The following ATAD2 variants were observed in gnomAD, a reference collection of about 807,000 sequenced individuals.
ATAD2 encodes ATPase family AAA domain-containing protein 2.
Under a neutral mutation model 168.9 loss-of-function variants are expected in ATAD2, and 62 were observed. The observed-to-expected ratio is 0.37, with a 90% CI of 0.30 to 0.45. The LOEUF (loss-of-function observed/expected upper bound fraction) is 0.45. Among genes scored for constraint, ATAD2 ranks in the 20% least tolerant of loss-of-function variants. ATAD2 has a pLI of 1.00. For missense variants in ATAD2, 1,419 were observed against 1,667.8 expected, an observed-to-expected ratio of 0.85 and a Z score of 2.60; for synonymous variants, 613 against 571.6, an observed-to-expected ratio of 1.07 and a Z score of -1.03.
intron 9 of ATAD2, among the ~76,000 whole-genome samples, chr8:123,360,599 T>A (rs1828784487): frequency 6.6e-6 from 1 of 152,148 alleles, no homozygotes; most frequent in African/African-American, 2.4e-5. Flanking sequence ...GAAATAGTTA[T>A]GGCCAGGTGT....
intron 2 of ATAD2, among the ~76,000 whole-genome samples, chr8:123,378,701 C>CAAAAAAAAAAAAAAAA (rs71808201): frequency 9.6e-5 from 7 of 73,040 alleles, no homozygotes; most frequent in African/African-American, 4.1e-4. Flanking sequence ...GACTGTGTCT[C>CAAAAAAAAAAAAAAAA]AAAAAAAAAA....
chr8:123,336,360 C>G lies in ATAD2; in HGVS notation c.3211+13G>C. 6.4e-7 allele frequency: 1 copy of G among 1,565,612 alleles called. No homozygotes were observed. Among genetic ancestry groups the G allele is most frequent in the Non-Finnish European group, 8.6e-7 (1 of 1,165,342 alleles). On this transcript the variant is annotated intron_variant, in intron 22 of 27. Transcript: ENST00000287394. ...CAACTCAACCCCCTGAAAAAAAATT[C>G]ACTAATGCTCACCTCCAGGATCTCT...
At chr8:123,401,553 G>A (rs1184148494) in intron 1 of ATAD2, 12 of 1,521,272 alleles carry the variant, frequency 7.9e-6, no homozygotes, top group South Asian at 5.8e-5. Flanking sequence ...CATAGGCTGC[G>A]GCTCCCTCTG....
chr8:123,337,762 C>T lies in ATAD2; in HGVS notation c.2914G>A (p.Ala972Thr). ...TCTTCTAGTCGTTTCACTTCTTCTG[C>T]TGTCAGTGATCTTGGCTCAGGTGGT... ...APPPEPRSLT[A>T]EEVKRLEEQE... Residue 972 changes from alanine (A) to threonine (T), a missense_variant, in exon 21 of 28, where the codon GCA becomes ACA. By Grantham distance (58) the Ala-to-Thr change is moderately conservative (BLOSUM62 0). Coordinates refer to ENST00000287394, the MANE Select transcript of ATAD2 (RefSeq NM_014109.4). 1 of 1,613,468 alleles carries T rather than the reference C, an allele frequency of 6.2e-7. No homozygotes were observed. The highest frequency in any genetic ancestry group is 2.2e-5 in the East Asian group (1 of 44,838).
intron 1 of ATAD2, among the ~76,000 whole-genome samples, chr8:123,395,791 G>A (rs2129986846): frequency 6.6e-6 from 1 of 152,216 alleles, no homozygotes. Context: ...GGCGCAGACA[G>A]AAAGCAGTCA....
At chr8:123,412,343 A>C (rs55766597) in intron 1 of ATAD2, among the ~76,000 whole-genome samples, 44,105 of 152,124 alleles carry the variant, frequency 0.29, 7,102 homozygotes, top group South Asian at 0.45. Flanking sequence ...TCAATTCAAC[A>C]AGGATTTATG....
At chr8:123,346,536 C>A (rs1828248306) in intron 17 of ATAD2, 82 bp downstream of exon 17, 1 of 1,311,042 alleles carries the variant, frequency 7.6e-7, no homozygotes. Context: ...TTGGTTAGCA[C>A]TTTTTATTTT....
intron 1 of ATAD2, among the ~76,000 whole-genome samples, chr8:123,414,222 A>G (rs1813206891): frequency 1.3e-5 from 2 of 151,922 alleles, no homozygotes; most frequent in South Asian, 4.1e-4. Flanking sequence ...AGTACTTTAT[A>G]TACATAAACT....
chr8:123,340,947 CTT>C (rs557121930), intron 19 of ATAD2, among the ~76,000 whole-genome samples: 12 of 143,318 alleles, frequency 8.4e-5, no homozygotes, highest in Admixed American at 2.1e-4. Context: ...TAAGTTTTGT[CTT>C]TTTTTTTTTT....
intron 20 of ATAD2, 86 bp downstream of exon 20, chr8:123,339,225 G>T: frequency 8.4e-7 from 1 of 1,191,940 alleles, no homozygotes; most frequent in Non-Finnish European, 1.2e-6. Flanking sequence ...TTGAGCTTGT[G>T]TTATCAGATA....
chr8:123,327,966 A>G lies in ATAD2; in HGVS notation c.3868+224T>C, dbSNP rs868393128. Reference sequence around the variant, plus strand: ...AGTATCTTGCCAAAGGTCACAAGCTACTAAGTAGTGAACTGGAGGCTCAAA... The same window carrying G: ...AGTATCTTGCCAAAGGTCACAAGCTGCTAAGTAGTGAACTGGAGGCTCAAA... On this transcript the variant is annotated intron_variant, in intron 25 of 27. Coordinates refer to ENST00000287394, the MANE Select transcript of ATAD2 (RefSeq NM_014109.4). Among the ~76,000 whole-genome samples the G allele has an allele frequency of 2.0e-5, 3 of 152,332 alleles. No homozygotes were observed. The Middle Eastern group carries it at 0.01, about 518-fold the overall frequency.
intron 13 of ATAD2, among the ~76,000 whole-genome samples, chr8:123,352,866 C>A (rs1046134836): frequency 2.6e-5 from 4 of 151,132 alleles, no homozygotes; most frequent in African/African-American, 9.7e-5. Flanking sequence ...GAGTTCAAGA[C>A]CAACCTGGGC....
chr8:123,369,795 C>T (rs569234158), intron 7 of ATAD2, 26 bp downstream of exon 7: 1 of 1,538,866 alleles, frequency 6.5e-7, no homozygotes, highest in African/African-American at 1.4e-5. Context: ...ATTACATCTC[C>T]TGGAAAGAGT....
chr8:123,415,888 C>A (rs1228060411), intron 1 of ATAD2, among the ~76,000 whole-genome samples: 1 of 152,216 alleles, frequency 6.6e-6, no homozygotes, highest in African/African-American at 2.4e-5. Context: ...CCACCGCACC[C>A]GGCCCTAAAC....
In ATAD2 at chr8:123,346,767, T is replaced by C. The variant is rs539566580; in HGVS notation, c.2213-17A>G. The C allele has an allele frequency of 2.1e-5, 33 of 1,569,804 alleles. No individual in the cohort carries two copies. Among genetic ancestry groups the C allele is most frequent in the East Asian group, 2.3e-5 (1 of 43,508 alleles). ...AAGAAATATCTATAAAACCAAAAAA[T>C]TGTACATTAGTAACTTTTGGATTGC... On this transcript the variant is annotated splice_polypyrimidine_tract_variant and intron_variant, in intron 16 of 27. Transcript: ENST00000287394.
At chr8:123,343,811 A>G (rs1448629927) in intron 19 of ATAD2, among the ~76,000 whole-genome samples, 2 of 152,114 alleles carry the variant, frequency 1.3e-5, no homozygotes, top group African/African-American at 4.8e-5. Context: ...GTGATGGGTG[A>G]AAGAGCTATT....
chr8:123,384,842 A>G (rs1443705048), intron 1 of ATAD2, among the ~76,000 whole-genome samples: 1 of 152,194 alleles, frequency 6.6e-6, no homozygotes, highest in African/African-American at 2.4e-5. Flanking sequence ...CAAGTAGATA[A>G]TATGTTCTTG....
upstream of ATAD2, chr8:123,400,487 T>C (rs1812980472): frequency 2.6e-6 from 1 of 378,118 alleles, no homozygotes; most frequent in Non-Finnish European, 5.1e-6. The surrounding 1 kb of genome is among the most constrained non-coding windows in gnomAD (Gnocchi z 4.5). Flanking sequence ...CGGGGGAACA[T>C]AGTGAGACCC....
At chr8:123,325,090 G>C (rs896754891) in intron 26 of ATAD2, among the ~76,000 whole-genome samples, 1 of 144,704 alleles carries the variant, frequency 6.9e-6, no homozygotes, top group African/African-American at 2.5e-5. Context: ...AAAAATAATA[G>C]TAATAATTCT....
Sources: allele counts gnomAD v4.1 joint callset (sites outside exome capture counted in the v4.1 genomes callset), GRCh38; gene constraint gnomAD v4.1.1; non-coding constraint Gnocchi (gnomAD v3.1); transcripts MANE v1.5; gene names NCBI Gene and HGNC (gene_info 2026-07-23, HGNC 2026-07-21).